TMEM175: variants seen among roughly 807,000 people sequenced by gnomAD.
The protein encoded by TMEM175 is transmembrane protein 175, also known as endosomal/lysosomal proton channel TMEM175.
TMEM175 carries 36 observed loss-of-function variants against 36.5 expected under a neutral mutation model. The ratio of observed to expected loss-of-function variants is 0.99; its 90% CI spans 0.76 to 1.30. The LOEUF is 1.30. Among genes scored for constraint, TMEM175 ranks in the 50% most tolerant of loss-of-function variants. The pLI is 0.00. For synonymous variants in TMEM175, 339 were observed against 313.4 expected (o/e 1.08, Z -0.86); for missense variants, 705 against 692.8 (o/e 1.02, Z -0.20).
rs758493336 is a variant in TMEM175 at position 955,857 on chromosome 4, C to G, written c.809C>G (p.Ala270Gly). 5.6e-6 allele frequency: 9 copies of G among 1,613,980 alleles called. No individual in the cohort carries two copies. Among genetic ancestry groups the G allele is most frequent in the Non-Finnish European group, 7.6e-6 (9 of 1,179,926 alleles). The part of the protein sequence containing the change: ...RVEAFSDGVY[A>G]IVATLLILDI... ...GAAGCCTTCAGCGACGGAGTCTACG[C>G]CATCGTGGCCACGCTTCTCATCCTG... Residue 270 changes from alanine to glycine, a missense_variant, in exon 10 of 11, where the codon GCC becomes GGC. By Grantham distance (60) the Ala-to-Gly change is moderately conservative. Transcript: ENST00000264771.
intron 10 of TMEM175, chr4:956,253 C>A: frequency 8.1e-7 from 1 of 1,231,776 alleles, no homozygotes; most frequent in Non-Finnish European, 1.0e-6. Context: ...ACACCAGCCC[C>A]TCCTAGTCCC....
intron 7 of TMEM175, 141 bp downstream of exon 7, chr4:952,591 G>GT: frequency 3.0e-6 from 2 of 661,702 alleles, no homozygotes; most frequent in Non-Finnish European, 5.1e-6. Flanking sequence ...GTGTGTGTGT[G>GT]TTCACCATCA....
intron 3 of TMEM175, 83 bp from the exon 4 acceptor site, chr4:950,337 GC>G (rs1560487964): frequency 8.5e-6 from 10 of 1,171,614 alleles, no homozygotes; most frequent in Admixed American, 1.7e-5. Context: ...GCCGAGGCCA[GC>G]CCCCCCTCAC....
chr4:933,184 G>A (rs564619297), intron 1 of TMEM175, among the ~76,000 whole-genome samples: 3 of 152,256 alleles, frequency 2.0e-5, no homozygotes, highest in Admixed American at 6.5e-5. Context: ...GTTGGGAGTG[G>A]GTAGCAGGAG....
chr4:948,980 C>T (rs913187760), intron 3 of TMEM175, among the ~76,000 whole-genome samples: 3 of 152,170 alleles, frequency 2.0e-5, no homozygotes, highest in South Asian at 2.1e-4. Context: ...GAGCCTGGCC[C>T]AGTCTGCAGG....
In TMEM175 at chr4:950,516, A is replaced by G. The variant is rs751496244; in HGVS notation, c.288A>G (p.Thr96=). ...LIVTVAWAAH[T]RLFQVVGKTD... ...TGACAGTGGCCTGGGCAGCACACACAAGGTGGGGGCCCGGGCGCTTCCAGC... is the reference window on the plus strand; with the variant it reads ...TGACAGTGGCCTGGGCAGCACACACGAGGTGGGGGCCCGGGCGCTTCCAGC... The change falls in exon 4 of 11, where the codon ACA becomes ACG. Residue 96 remains threonine, a splice_region_variant and synonymous_variant. Transcript: ENST00000264771. 1 of 1,613,352 alleles carries G rather than the reference A, an allele frequency of 6.2e-7. No homozygotes were observed. The highest frequency in any genetic ancestry group is 8.5e-7 in the Non-Finnish European group (1 of 1,179,482).
chr4:956,011 C>A, intron 10 of TMEM175, 121 bp downstream of exon 10: 1 of 1,291,970 alleles, frequency 7.7e-7, no homozygotes, highest in Non-Finnish European at 1.1e-6. Flanking sequence ...CCTCTGGATG[C>A]CTAGAGTTTT....
intron 10 of TMEM175, chr4:956,475 C>T: frequency 1.6e-6 from 2 of 1,251,014 alleles, no homozygotes; most frequent in South Asian, 1.3e-5. Flanking sequence ...GACAGTCCTG[C>T]TGTGTCGCCC....
chr4:941,858 C>T (rs1169635606), intron 1 of TMEM175, among the ~76,000 whole-genome samples: 2 of 151,932 alleles, frequency 1.3e-5, no homozygotes, highest in African/African-American at 2.4e-5. Flanking sequence ...TTGCTAGAGC[C>T]CAGCCTGGGC....
chr4:952,962 T>C (rs1729137995), intron 7 of TMEM175, among the ~76,000 whole-genome samples: 1 of 151,728 alleles, frequency 6.6e-6, no homozygotes, highest in Admixed American at 6.6e-5. Flanking sequence ...TCCTGTTCTC[T>C]CTCCACCTCA....
intron 10 of TMEM175, chr4:956,326 C>A: frequency 7.8e-7 from 1 of 1,286,900 alleles, no homozygotes. Flanking sequence ...GCCCCTCCTG[C>A]TCCCTTTGGC....
Position 953,205 on chromosome 4 carries a change from T to G in TMEM175, c.478T>G (p.Tyr160Asp), listed in dbSNP as rs771555796. The stretch of plus-strand genomic sequence containing the variant: ...TTTCCCGCAGGCACTGATTGTGGGG[T>G]ACGCATTCCACTTCCCGCACCTGCT... The part of the protein sequence containing the change: ...IGVVQALIVG[Y>D]AFHFPHLLSP... The change falls in exon 8 of 11, where the codon TAC becomes GAC. Residue 160 changes from tyrosine (Y) to aspartate (D), a missense_variant. By Grantham distance (160) the Tyr-to-Asp change is radical (BLOSUM62 -3). Transcript: ENST00000264771. The G allele has an allele frequency of 3.7e-6, 6 of 1,610,516 alleles. No homozygotes were observed. Among genetic ancestry groups the G allele is most frequent in the Admixed American group, 1.7e-5 (1 of 59,732 alleles).
chr4:953,575 C>G (rs571357349), intron 8 of TMEM175, among the ~76,000 whole-genome samples: 2 of 152,252 alleles, frequency 1.3e-5, no homozygotes, highest in African/African-American at 4.8e-5. Flanking sequence ...AGGACAGAGA[C>G]GGACGCTCAT....
At chr4:937,539 G>T (rs902380173) in intron 1 of TMEM175, among the ~76,000 whole-genome samples, 7 of 152,130 alleles carry the variant, frequency 4.6e-5, no homozygotes, top group African/African-American at 1.4e-4. Context: ...CTCCAACCTG[G>T]ACAACAAGAG....
chr4:955,387 C>T lies in TMEM175; in HGVS notation c.628-18C>T, dbSNP rs754449872. ...GACCCCTGTGGAGGGCACTGACCTGCGGTTTGTCTCCCTGCAGTCTTACCT... is the reference window on the plus strand; with the variant it reads ...GACCCCTGTGGAGGGCACTGACCTGTGGTTTGTCTCCCTGCAGTCTTACCT... On this transcript the variant is annotated intron_variant, in intron 8 of 10. Transcript: ENST00000264771. The T allele has an allele frequency of 1.7e-5, 28 of 1,609,754 alleles. No homozygotes were observed. The highest frequency in any genetic ancestry group is 4.5e-5 in the East Asian group (2 of 44,858).
chr4:943,306 C>T (rs1727747649), intron 1 of TMEM175, among the ~76,000 whole-genome samples: 1 of 152,192 alleles, frequency 6.6e-6, no homozygotes. Flanking sequence ...GCCTGGAGTG[C>T]AGTGGCACGA....
intron 1 of TMEM175, among the ~76,000 whole-genome samples, chr4:942,425 T>C (rs1029489178): frequency 6.6e-6 from 1 of 152,174 alleles, no homozygotes; most frequent in Non-Finnish European, 1.5e-5. Context: ...GAAAAAGACT[T>C]TTCTTTTCCC....
Position 957,981 on chromosome 4 carries a change from G to C in TMEM175, c.1000G>C (p.Val334Leu). The change falls in exon 11 of 11, where the codon GTG (valine) becomes CTG (leucine). Residue 334 changes from valine to leucine, a missense_variant. Coordinates refer to ENST00000264771, the MANE Select transcript of TMEM175 (RefSeq NM_032326.4). ...CGCCCACCACTCACTCTTCCTGCAT[G>C]TGCGCAAGGCCACGCGGGCCATGGG... is the stretch of plus-strand genomic sequence containing the variant. ...WFAHHSLFLH[V>L]RKATRAMGLL... 6.2e-7 allele frequency: 1 copy of C among 1,612,904 alleles called. No individual in the cohort carries two copies. Among genetic ancestry groups the C allele is most frequent in the Non-Finnish European group, 8.5e-7 (1 of 1,179,942 alleles).
intron 1 of TMEM175, among the ~76,000 whole-genome samples, chr4:936,785 C>G (rs1234405445): frequency 6.6e-6 from 1 of 152,060 alleles, no homozygotes; most frequent in African/African-American, 2.4e-5. Flanking sequence ...GAAACCCCAT[C>G]TCTACTAAAA....
Sources: gnomAD v4.1 joint callset for allele counts (sites outside exome capture counted in the v4.1 genomes callset) on GRCh38, gnomAD v4.1.1 for gene constraint, MANE v1.5 for transcripts, NCBI Gene and HGNC (gene_info 2026-07-23, HGNC 2026-07-21) for gene names.